The following MIPOL1 variants were observed in gnomAD, a reference collection of about 807,000 sequenced individuals.
MIPOL1 encodes mirror-image polydactyly 1.
Under a neutral mutation model 60.9 loss-of-function variants are expected in MIPOL1, and 57 were observed. That is an observed-to-expected ratio of 0.94 (90% CI 0.76 to 1.17). The LOEUF is 1.17. MIPOL1 is among the 50% of genes most tolerant of loss of function. MIPOL1 has a pLI of 0.00. For synonymous variants in MIPOL1, 179 were observed against 168.8 expected (o/e 1.06, Z -0.47); for missense variants, 551 against 511.6 (o/e 1.08, Z -0.74).
chr14:37,222,609 A>T (rs1233938424), intron 1 of MIPOL1, among the ~76,000 whole-genome samples: 1 of 152,164 alleles, frequency 6.6e-6, no homozygotes, highest in East Asian at 1.9e-4. Context: ...GCCTTTACTC[A>T]AGTTTCCAAT....
At chr14:37,427,138 T>G (rs2093981226) in intron 11 of MIPOL1, among the ~76,000 whole-genome samples, 1 of 152,204 alleles carries the variant, frequency 6.6e-6, no homozygotes. Flanking sequence ...TTGTTCATAT[T>G]AACCAAAAGG....
chr14:37,340,400 A>G (rs1209830138), intron 9 of MIPOL1, among the ~76,000 whole-genome samples: 1 of 152,148 alleles, frequency 6.6e-6, no homozygotes, highest in East Asian at 1.9e-4. Flanking sequence ...AAACAAATTA[A>G]AAGTTTATGA....
rs577018821 is a variant in MIPOL1 at position 37,524,774 on chromosome 14, T to C, written c.1263-22131T>C. Among the ~76,000 whole-genome samples, 76 of 151,868 alleles carry C rather than the reference T, an allele frequency of 5.0e-4. No individual in the cohort carries two copies. In the South Asian group the frequency reaches 0.013, roughly 25 times the overall value. ...TAGTAGAGACGGGGTTTCACCATCT[T>C]GGCCAGCCTGGTCTTGAACTCCCGA... On this transcript the variant is annotated intron_variant, in intron 12 of 12. Coordinates refer to ENST00000684589, the MANE Select transcript of MIPOL1 (RefSeq NM_001388067.1).
At chr14:37,356,061 A>C (rs1371547447) in intron 9 of MIPOL1, among the ~76,000 whole-genome samples, 3 of 146,270 alleles carry the variant, frequency 2.1e-5, no homozygotes, top group East Asian at 2.1e-4. Context: ...GTCTTTGATG[A>C]TGGTGATGTA....
At chr14:37,439,350 A>G (rs2094207859) in intron 11 of MIPOL1, among the ~76,000 whole-genome samples, 1 of 152,188 alleles carries the variant, frequency 6.6e-6, no homozygotes. Context: ...GCAAAAGTGG[A>G]GGTTTAATGA....
chr14:37,434,527 C>G (rs1200101146), intron 11 of MIPOL1: 2 of 151,950 alleles, frequency 1.3e-5, no homozygotes, highest in Admixed American at 1.3e-4. Flanking sequence ...CCATGCTAAT[C>G]TTCTCTGTAT....
chr14:37,429,104 G>T (rs1595735879), intron 11 of MIPOL1, among the ~76,000 whole-genome samples: 1 of 152,130 alleles, frequency 6.6e-6, no homozygotes, highest in African/African-American at 2.4e-5. Flanking sequence ...CATCAAGAAA[G>T]AATCTTAAAC....
chr14:37,263,320 A>G (rs34169316), intron 3 of MIPOL1, among the ~76,000 whole-genome samples: 44,479 of 152,018 alleles, frequency 0.29, 6,720 homozygotes, highest in East Asian at 0.46. Flanking sequence ...TCCTCAAAGC[A>G]TACAATGCAG....
intron 9 of MIPOL1, among the ~76,000 whole-genome samples, chr14:37,313,994 C>A (rs2087617779): frequency 6.6e-6 from 1 of 152,130 alleles, no homozygotes; most frequent in Admixed American, 6.5e-5. Context: ...AATCAGTGAT[C>A]TTACATTTCT....
intron 1 of MIPOL1, among the ~76,000 whole-genome samples, chr14:37,223,426 C>G (rs1389334103): frequency 6.6e-6 from 1 of 152,134 alleles, no homozygotes; most frequent in African/African-American, 2.4e-5. Flanking sequence ...CCTGGTTGCT[C>G]TGTATAGACA....
intron 7 of MIPOL1, among the ~76,000 whole-genome samples, chr14:37,297,235 G>C (rs924466503): frequency 1.2e-4 from 19 of 152,160 alleles, no homozygotes; most frequent in Admixed American, 5.2e-4. Flanking sequence ...TGCAGAAAAG[G>C]CCTTTGACAA....
intron 1 of MIPOL1, among the ~76,000 whole-genome samples, chr14:37,201,610 T>C (rs1409087080): frequency 1.3e-5 from 2 of 152,164 alleles, no homozygotes; most frequent in Non-Finnish European, 2.9e-5. Flanking sequence ...ACTCATGATA[T>C]AGGACGTAAT....
chr14:37,311,651 T>G (rs1232843732), intron 9 of MIPOL1, among the ~76,000 whole-genome samples: 1 of 152,212 alleles, frequency 6.6e-6, no homozygotes, highest in African/African-American at 2.4e-5. Context: ...AAAATAAATT[T>G]GTTGGAATAG....
chr14:37,266,295 C>A (rs1426496026), intron 3 of MIPOL1, among the ~76,000 whole-genome samples: 1 of 152,148 alleles, frequency 6.6e-6, no homozygotes, highest in African/African-American at 2.4e-5. Context: ...GTTTTAGGAA[C>A]AGATACATCT....
intron 11 of MIPOL1, among the ~76,000 whole-genome samples, chr14:37,425,613 C>G (rs529045628): frequency 6.6e-6 from 1 of 152,070 alleles, no homozygotes; most frequent in Non-Finnish European, 1.5e-5. Flanking sequence ...AGTAATAGTA[C>G]CTACTTATAG....
rs140099901 is a variant in MIPOL1 at position 37,400,073 on chromosome 14, C to T, written c.937-22782C>T. On this transcript the variant is annotated intron_variant, in intron 10 of 12. Transcript: ENST00000684589. ...CCTGGAGAAGTGGTAATATGTATAA[C>T]TTGATAATATGAGAGTCAGAGGACA... 2.9e-3 allele frequency: 441 copies of T among 152,146 alleles called. 2 individuals are homozygous for T. The highest frequency in any genetic ancestry group is 0.01 in the African/African-American group (420 of 41,514). The allele number at this position is 152,146 out of a possible 1,614,324, so 9.4% of individuals were successfully genotyped here.
intron 11 of MIPOL1, among the ~76,000 whole-genome samples, chr14:37,450,707 C>T (rs1196577751): frequency 6.6e-6 from 1 of 152,050 alleles, no homozygotes; most frequent in Non-Finnish European, 1.5e-5. Flanking sequence ...CCCTTGATGT[C>T]TCTCTTTCTG....
At chr14:37,499,822 A>T in intron 11 of MIPOL1, 86 bp from the exon 12 acceptor site, 1 of 576,470 alleles carries the variant, frequency 1.7e-6, no homozygotes, top group Non-Finnish European at 2.9e-6. Flanking sequence ...AGAACTAGAG[A>T]TTCTAAATGG....
chr14:37,538,838 A>G (rs2095517843), intron 12 of MIPOL1, among the ~76,000 whole-genome samples: 1 of 152,222 alleles, frequency 6.6e-6, no homozygotes, highest in African/African-American at 2.4e-5. Flanking sequence ...GCCACAAGGC[A>G]GGACCAACTG....
Sources: allele counts gnomAD v4.1 joint callset (sites outside exome capture counted in the v4.1 genomes callset), GRCh38; gene constraint gnomAD v4.1.1; transcripts MANE v1.5; gene names NCBI Gene and HGNC (gene_info 2026-07-23, HGNC 2026-07-21).